Variants in MARCHF3 observed in about 807,000 individuals in gnomAD.
MARCHF3 encodes E3 ubiquitin-protein ligase MARCHF3.
MARCHF3 carries 13 observed loss-of-function variants against 24.2 expected under a neutral mutation model. That is an observed-to-expected ratio of 0.54 (90% confidence interval 0.35 to 0.85). MARCHF3 has a LOEUF of 0.85. Ranked by LOEUF, MARCHF3 falls within the 40% of genes least tolerant of loss-of-function variation. The pLI is 0.01. For synonymous variants in MARCHF3, 144 were observed against 137.3 expected (o/e 1.05, Z -0.34); for missense variants, 276 against 325.0 (o/e 0.85, Z 1.16).
At chr5:126,929,896 T>C (rs928815038) in intron 1 of MARCHF3, among the ~76,000 whole-genome samples, 1 of 152,194 alleles carries the variant, frequency 6.6e-6, no homozygotes, top group African/African-American at 2.4e-5. Flanking sequence ...CATGCTCTTT[T>C]TTGTTTGCTG....
At chr5:127,026,523 AAG>A (rs1274112958) in intron 1 of MARCHF3, among the ~76,000 whole-genome samples, 1 of 152,244 alleles carries the variant, frequency 6.6e-6, no homozygotes, top group Non-Finnish European at 1.5e-5. Flanking sequence ...TAACTTTATA[AAG>A]AAAACTACTA....
intron 3 of MARCHF3, among the ~76,000 whole-genome samples, chr5:126,912,488 A>C (rs1331194422): frequency 6.6e-6 from 1 of 152,242 alleles, no homozygotes; most frequent in Non-Finnish European, 1.5e-5. Context: ...TAAACAAAGT[A>C]ATGATTAAGC....
Position 126,870,277 on chromosome 5 carries a change from A to ATATG in MARCHF3, c.*355_*356insCATA, listed in dbSNP as rs1554118758. 4 of 170,596 alleles carry ATATG rather than the reference A, an allele frequency of 2.3e-5. No homozygotes were observed. Among genetic ancestry groups the ATATG allele is most frequent in the African/African-American group, 9.5e-5 (4 of 42,180 alleles). 10.6% of individuals were successfully genotyped at this position (170,596 alleles called of 1,614,324 possible). On this transcript the variant is annotated 3_prime_UTR_variant, in exon 5 of 5. Transcript: ENST00000308660. ...TCATCTAAGTTTAATATATATATAT[A>ATATG]TGTGTGTGTGTTTGAAATAGTAATA...
Position 126,902,613 on chromosome 5 carries a change from C to T in MARCHF3, c.393+12317G>A, listed in dbSNP as rs1338042687. Among the ~76,000 whole-genome samples, 3 of 152,176 alleles carry T rather than the reference C, an allele frequency of 2.0e-5. No individual in the cohort carries two copies. The East Asian group carries it at 5.8e-4, about 29-fold the overall frequency. On this transcript the variant is annotated intron_variant, in intron 3 of 4. Coordinates refer to ENST00000308660, the MANE Select transcript of MARCHF3 (RefSeq NM_178450.5). Reference sequence around the variant, plus strand: ...ACACAGACACTGAGCAGTTAGCTCACTTCCATCTGGCACGGTCATGTGAAC... The same window carrying T: ...ACACAGACACTGAGCAGTTAGCTCATTTCCATCTGGCACGGTCATGTGAAC...
chr5:126,921,410 G>A (rs1478751272), intron 1 of MARCHF3, among the ~76,000 whole-genome samples: 1 of 152,152 alleles, frequency 6.6e-6, no homozygotes, highest in East Asian at 1.9e-4. Flanking sequence ...ATGCAGGCAT[G>A]GGGCAGGCAG....
chr5:126,886,759 A>C (rs536580932), intron 3 of MARCHF3, among the ~76,000 whole-genome samples: 8 of 152,258 alleles, frequency 5.3e-5, no homozygotes, highest in Admixed American at 3.3e-4. Flanking sequence ...TTCACCATCC[A>C]CCATTCCAAC....
At chr5:127,000,453 AC>A (rs1464442539) in intron 1 of MARCHF3, among the ~76,000 whole-genome samples, 1 of 152,024 alleles carries the variant, frequency 6.6e-6, no homozygotes, top group Non-Finnish European at 1.5e-5. Flanking sequence ...GATCCCTTAC[AC>A]CCCCAGATAA....
chr5:126,981,713 T>G (rs1238625849), intron 1 of MARCHF3, among the ~76,000 whole-genome samples: 1 of 152,214 alleles, frequency 6.6e-6, no homozygotes, highest in East Asian at 1.9e-4. Context: ...AATTGAGAAT[T>G]GTCCAACCTT....
At chr5:126,904,988 TG>T in intron 3 of MARCHF3, among the ~76,000 whole-genome samples, 1 of 106,460 alleles carries the variant, frequency 9.4e-6, no homozygotes, top group African/African-American at 3.8e-5. Flanking sequence ...AATTGATTTT[TG>T]TATAAGGTGT....
intron 1 of MARCHF3, among the ~76,000 whole-genome samples, chr5:127,001,709 T>C (rs777099235): frequency 2.0e-5 from 3 of 152,242 alleles, no homozygotes; most frequent in Non-Finnish European, 4.4e-5. Context: ...AACCTCCTAA[T>C]GGGTTGCCTT....
chr5:126,895,564 C>A (rs1238051406), intron 3 of MARCHF3, among the ~76,000 whole-genome samples: 1 of 152,174 alleles, frequency 6.6e-6, no homozygotes, highest in Non-Finnish European at 1.5e-5. Flanking sequence ...TGTTGGAATA[C>A]CCTGCAGTGT....
At chr5:127,008,369 T>C (rs1650539222) in intron 1 of MARCHF3, among the ~76,000 whole-genome samples, 1 of 152,252 alleles carries the variant, frequency 6.6e-6, no homozygotes, top group Non-Finnish European at 1.5e-5. Context: ...AAAAGTTCAC[T>C]GAGAGACGAA....
At chr5:126,942,441 T>TA (rs58742851) in intron 1 of MARCHF3, among the ~76,000 whole-genome samples, 8,147 of 149,240 alleles carry the variant, frequency 0.055, 400 homozygotes, top group South Asian at 0.14. Flanking sequence ...TTTAGTTTTG[T>TA]AAAAAAAAAA....
chr5:126,962,565 C>A (rs1445010155), intron 1 of MARCHF3, among the ~76,000 whole-genome samples: 1 of 152,036 alleles, frequency 6.6e-6, no homozygotes, highest in East Asian at 1.9e-4. Context: ...TCATACCTGA[C>A]ACTCTGCATT....
At chr5:126,953,885 T>G (rs969811495) in intron 1 of MARCHF3, among the ~76,000 whole-genome samples, 4 of 152,224 alleles carry the variant, frequency 2.6e-5, no homozygotes, top group African/African-American at 9.6e-5. Flanking sequence ...CTCTTGTATA[T>G]TCTACCTTTT....
At chr5:126,903,748 T>C (rs1561416817) in intron 3 of MARCHF3, among the ~76,000 whole-genome samples, 5 of 152,040 alleles carry the variant, frequency 3.3e-5, no homozygotes, top group Admixed American at 3.3e-4. Flanking sequence ...TTCATAGCAG[T>C]TCAACTCTGC....
At chr5:126,973,685 A>G (rs182636591) in intron 1 of MARCHF3, among the ~76,000 whole-genome samples, 3 of 152,328 alleles carry the variant, frequency 2.0e-5, no homozygotes, top group Non-Finnish European at 4.4e-5. Flanking sequence ...GATGTGGATT[A>G]CTGCCTCTGT....
intron 3 of MARCHF3, among the ~76,000 whole-genome samples, chr5:126,889,900 T>G (rs1490191267): frequency 2.0e-5 from 3 of 152,236 alleles, no homozygotes; most frequent in South Asian, 4.1e-4. Flanking sequence ...TTGGAATGTG[T>G]GAGGCACTCC....
chr5:126,955,515 G>A (rs1294990684), intron 1 of MARCHF3, among the ~76,000 whole-genome samples: 3 of 152,212 alleles, frequency 2.0e-5, no homozygotes, highest in Admixed American at 6.5e-5. Flanking sequence ...TATGAAGGGC[G>A]AGAAAGGGTA....
Sources: allele counts gnomAD v4.1 joint callset (sites outside exome capture counted in the v4.1 genomes callset), GRCh38; gene constraint gnomAD v4.1.1; transcripts MANE v1.5; gene names NCBI Gene and HGNC (gene_info 2026-07-23, HGNC 2026-07-21).